ARL15: variants seen among roughly 807,000 people sequenced by gnomAD.
ARL15 encodes the protein ARF like GTPase 15.
A neutral mutation model predicts 25.2 loss-of-function variants in ARL15; 19 were observed. The ratio of observed to expected loss-of-function variants is 0.75; its 90% CI spans 0.53 to 1.10. The LOEUF (loss-of-function observed/expected upper bound fraction) is 1.10. Among genes scored for constraint, ARL15 ranks in the 50% least tolerant of loss-of-function variants. ARL15 has a pLI of 0.00. For missense variants in ARL15, 220 were observed against 246.0 expected, an observed-to-expected ratio of 0.89 and a Z score of 0.71; for synonymous variants, 94 against 86.8, an observed-to-expected ratio of 1.08 and a Z score of -0.46.
At chr5:54,225,319 T>C (rs1756489283) in intron 1 of ARL15, among the ~76,000 whole-genome samples, 1 of 152,196 alleles carries the variant, frequency 6.6e-6, no homozygotes, top group Non-Finnish European at 1.5e-5. Flanking sequence ...AAAGCGCCTT[T>C]ATCCATCCAC....
intron 1 of ARL15, among the ~76,000 whole-genome samples, chr5:54,206,000 C>A (rs1226393339): frequency 1.3e-5 from 2 of 152,020 alleles, no homozygotes; most frequent in Non-Finnish European, 2.9e-5. Context: ...TCTCCTCCAC[C>A]CCCAGAATCT....
intron 1 of ARL15, among the ~76,000 whole-genome samples, chr5:54,219,658 C>T (rs2112527678): frequency 6.6e-6 from 1 of 152,018 alleles, no homozygotes; most frequent in Middle Eastern, 3.4e-3. Context: ...AGAAGAGGCA[C>T]TGGTCACAAA....
chr5:54,026,881 A>C (rs1163553144), intron 4 of ARL15, among the ~76,000 whole-genome samples: 1 of 152,190 alleles, frequency 6.6e-6, no homozygotes, highest in African/African-American at 2.4e-5. Flanking sequence ...CCAGAAGGTT[A>C]CTAGAAGGAA....
At chr5:53,906,312 C>T (rs367739335) in intron 4 of ARL15, among the ~76,000 whole-genome samples, 14 of 152,126 alleles carry the variant, frequency 9.2e-5, no homozygotes, top group African/African-American at 2.7e-4. Context: ...TAAATGTGTC[C>T]GGTAGGTTGC....
intron 4 of ARL15, among the ~76,000 whole-genome samples, chr5:54,075,839 T>G (rs1751581274): frequency 6.6e-6 from 1 of 152,128 alleles, no homozygotes; most frequent in Non-Finnish European, 1.5e-5. Flanking sequence ...TGTATTTAAG[T>G]TATACCCTTA....
chr5:54,255,905 T>C (rs1056915752), intron 1 of ARL15, among the ~76,000 whole-genome samples: 5 of 152,074 alleles, frequency 3.3e-5, no homozygotes, highest in Admixed American at 6.5e-5. Flanking sequence ...ACCTCTGGGA[T>C]ACAGCAAGAG....
At position 53,886,698 on chromosome 5, in the gene ARL15, CA is replaced by C. The variant is rs1744536742; in HGVS notation, c.477del (p.Phe159LeufsTer25). 6.4e-7 allele frequency: 1 copy of C among 1,555,668 alleles called. No individual in the cohort carries two copies. The highest frequency in any genetic ancestry group is 8.7e-7 in the Non-Finnish European group (1 of 1,151,792). ...TTTCCACGTGCAAGTGGTTCAAGTT[CA>C]AAATATTTTTTGATCTTAAGAGGAA... ...ARSVQEIKKYFELEPLARGKR... is the reference protein window; with the variant it reads ...ARSVQEIKKYXELEPLARGKR... On this transcript the variant is annotated frameshift_variant, in exon 5 of 5. Coordinates refer to ENST00000504924, the MANE Select transcript of ARL15 (RefSeq NM_019087.3). LOFTEE classifies it high-confidence loss of function.
intron 1 of ARL15, among the ~76,000 whole-genome samples, chr5:54,302,704 TTTTTTTTTC>T (rs1179827155): frequency 0.017 from 2,508 of 144,990 alleles, 69 homozygotes; most frequent in African/African-American, 0.061. Flanking sequence ...TTTTTTTTTT[TTTTTTTTTC>T]CAGGATGGGG....
In ARL15 at chr5:54,044,401, G is replaced by T. The variant is rs190985943; in HGVS notation, c.462+68801C>A. 1.5e-3 allele frequency among the ~76,000 whole-genome samples: 234 copies of T among 151,792 alleles called. 1 individual carries two copies. The highest frequency in any genetic ancestry group is 2.4e-3 in the Non-Finnish European group (162 of 67,938). On this transcript the variant is annotated intron_variant, in intron 4 of 4. Transcript: ENST00000504924. ...TAGGATTACAGGCTCTCACCACCAC[G>T]CCTGGCTAACTTTTTGTATTTTTAG...
chr5:54,120,463 C>G (rs1753036629), intron 3 of ARL15, among the ~76,000 whole-genome samples: 1 of 152,272 alleles, frequency 6.6e-6, no homozygotes, highest in East Asian at 1.9e-4. Flanking sequence ...TTGATTCTAT[C>G]CTATTTATGA....
chr5:54,117,364 GACACATAC>G (rs1216084827), intron 3 of ARL15, among the ~76,000 whole-genome samples: 13 of 90,982 alleles, frequency 1.4e-4, no homozygotes, highest in South Asian at 7.5e-4. Flanking sequence ...CAAATAGTGA[GACACATAC>G]ACACACACAC....
intron 4 of ARL15, among the ~76,000 whole-genome samples, chr5:53,896,102 C>T (rs896244273): frequency 5.9e-5 from 9 of 152,154 alleles, no homozygotes; most frequent in East Asian, 5.8e-4. Flanking sequence ...GGCACCATGT[C>T]GGCTTGCTGC....
chr5:54,203,483 C>G (rs1755777219), intron 1 of ARL15, among the ~76,000 whole-genome samples: 1 of 152,078 alleles, frequency 6.6e-6, no homozygotes, highest in African/African-American at 2.4e-5. Flanking sequence ...TATTTGATGT[C>G]TTTTTATAAG....
chr5:53,911,493 A>G (rs1279637242), intron 4 of ARL15, among the ~76,000 whole-genome samples: 1 of 151,930 alleles, frequency 6.6e-6, no homozygotes, highest in Non-Finnish European at 1.5e-5. Flanking sequence ...CAGATGTTAG[A>G]TGTCATCTGG....
At chr5:54,145,715 T>A (rs1440541447) in intron 3 of ARL15, among the ~76,000 whole-genome samples, 1 of 152,192 alleles carries the variant, frequency 6.6e-6, no homozygotes, top group Non-Finnish European at 1.5e-5. Flanking sequence ...TCATTAAATA[T>A]TCACTGAAGT....
At position 54,154,563 on chromosome 5, in the gene ARL15, G is replaced by T. The variant is rs1754165287; in HGVS notation, c.253+17C>A. 1 of 1,485,920 alleles carries T rather than the reference G, an allele frequency of 6.7e-7. No individual in the cohort carries two copies. Among genetic ancestry groups the T allele is most frequent in the African/African-American group, 1.4e-5 (1 of 69,916 alleles). The allele number at this position is 1,485,920 out of a possible 1,614,324, so 92.0% of individuals were successfully genotyped here. On this transcript the variant is annotated intron_variant, in intron 3 of 4. Coordinates refer to ENST00000504924, the MANE Select transcript of ARL15 (RefSeq NM_019087.3). ...AAAAGTTAAGGGCAGACATAGAAAT[G>T]ATTTGAAATGTTATACCTCCAAGTT...
At chr5:54,166,828 T>C (rs1349858158) in intron 2 of ARL15, among the ~76,000 whole-genome samples, 2 of 152,214 alleles carry the variant, frequency 1.3e-5, no homozygotes, top group African/African-American at 2.4e-5. Flanking sequence ...ATTCTCATTA[T>C]GAATCATGAT....
chr5:54,011,226 A>ATTCAATTCT (rs1749233481), intron 4 of ARL15, among the ~76,000 whole-genome samples: 2 of 152,048 alleles, frequency 1.3e-5, no homozygotes, highest in African/African-American at 4.8e-5. Context: ...TATACTGTGA[A>ATTCAATTCT]TATCCAGAGT....
intron 4 of ARL15, among the ~76,000 whole-genome samples, chr5:53,962,493 C>G (rs970159624): frequency 1.3e-5 from 2 of 152,050 alleles, no homozygotes; most frequent in Non-Finnish European, 2.9e-5. Context: ...TGGAACCATA[C>G]AAGAGTGTGT....
Sources: gnomAD v4.1 joint callset for allele counts (sites outside exome capture counted in the v4.1 genomes callset) on GRCh38, gnomAD v4.1.1 for gene constraint, MANE v1.5 for transcripts, NCBI Gene and HGNC (gene_info 2026-07-23, HGNC 2026-07-21) for gene names.